The following GCFC2 variants were observed in gnomAD, a reference collection of about 807,000 sequenced individuals.
GCFC2 encodes the protein intron Large complex component GCFC2.
Under a neutral mutation model 99.4 loss-of-function variants are expected in GCFC2, and 102 were observed. That is an observed-to-expected ratio of 1.03 (90% CI 0.87 to 1.21). GCFC2 has a LOEUF of 1.21. Among genes scored for constraint, GCFC2 ranks in the 50% most tolerant of loss-of-function variants. GCFC2 has a pLI of 0.00. For synonymous variants in GCFC2, 338 were observed against 316.8 expected (o/e 1.07, Z -0.71); for missense variants, 973 against 920.9 (o/e 1.06, Z -0.73).
intron 11 of GCFC2, among the ~76,000 whole-genome samples, chr2:75,681,115 C>T (rs1679554488): frequency 6.6e-6 from 1 of 152,196 alleles, no homozygotes; most frequent in African/African-American, 2.4e-5. Flanking sequence ...TAAAAATAAT[C>T]CCCCTCAGTG....
chr2:75,665,019 G>C (rs1487108880), intron 16 of GCFC2, among the ~76,000 whole-genome samples: 1 of 152,162 alleles, frequency 6.6e-6, no homozygotes, highest in Non-Finnish European at 1.5e-5. Flanking sequence ...GTAAAAGGTA[G>C]AAAAGCATAT....
At position 75,673,515 on chromosome 2, in the gene GCFC2, T is replaced by C. The variant is rs1348691988; in HGVS notation, c.1818A>G (p.Leu606=). The C allele has an allele frequency of 8.4e-7, 1 of 1,195,108 alleles. No homozygotes were observed. Among genetic ancestry groups the C allele is most frequent in the Non-Finnish European group, 1.3e-6 (1 of 799,982 alleles). 74.0% of individuals were successfully genotyped at this position (1,195,108 alleles called of 1,614,324 possible). A position where few individuals can be genotyped will look rare whatever the true frequency, so the allele number is the denominator to read the frequency against. ...TCATTCTTGAAACAATGGATTTAAG[T>C]AAATCCTATTATTACAAATTTGAAA... The part of the protein sequence containing the change: ...ENEVSKSRQD[L]LKSIVSRMKK... Residue 606 remains leucine (L), a synonymous_variant, in exon 13 of 17, where the codon TTA becomes TTG. Coordinates refer to ENST00000321027, the MANE Select transcript of GCFC2 (RefSeq NM_003203.5).
intron 4 of GCFC2, among the ~76,000 whole-genome samples, chr2:75,696,606 T>A (rs6547018): frequency 0.071 from 10,774 of 152,248 alleles, 1,232 homozygotes; most frequent in African/African-American, 0.25. Flanking sequence ...CCCAGTTTTT[T>A]AAGAAACAAC....
chr2:75,706,257 A>C (rs556199391), intron 2 of GCFC2, among the ~76,000 whole-genome samples: 1 of 152,326 alleles, frequency 6.6e-6, no homozygotes, highest in South Asian at 2.1e-4. Context: ...TTCAAGTATC[A>C]ATGTCAATCA....
At position 75,706,429 on chromosome 2, in the gene GCFC2, C is replaced by A. The variant is rs1680865761; in HGVS notation, c.394+94G>T. 4 of 772,286 alleles carry A rather than the reference C, an allele frequency of 5.2e-6. No individual in the cohort carries two copies. The South Asian group carries it at 8.1e-5, about 16-fold the overall frequency. The allele number at this position is 772,286 out of a possible 1,614,324, so 47.8% of individuals were successfully genotyped here. A position where few individuals can be genotyped will look rare whatever the true frequency, so the allele number is the denominator to read the frequency against. On this transcript the variant is annotated intron_variant, in intron 2 of 16. Transcript: ENST00000321027. ...AATCATCATTAATGACCTACTTGCC[C>A]CATGTCACTAGAGTTTGTTATGTCA...
At chr2:75,711,874 T>C (rs1681201543), upstream of GCFC2, among the ~76,000 whole-genome samples, 1 of 152,250 alleles carries the variant, frequency 6.6e-6, no homozygotes, top group South Asian at 2.1e-4. Context: ...CATGGGCTCC[T>C]GTGCTGCCCG....
chr2:75,701,805 G>C, intron 3 of GCFC2: 3 of 907,736 alleles, frequency 3.3e-6, no homozygotes, highest in Non-Finnish European at 4.0e-6. Flanking sequence ...ATTATTGGTA[G>C]AGGAAATTTT....
Position 75,687,897 on chromosome 2 carries a change from C to T in GCFC2, c.1620G>A (p.Lys540=). 1 of 1,604,756 alleles carries T rather than the reference C, an allele frequency of 6.2e-7. No homozygotes were observed. Among genetic ancestry groups the T allele is most frequent in the Non-Finnish European group, 8.5e-7 (1 of 1,172,504 alleles). The part of the protein sequence containing the change: ...EFMDSSVEDS[K]KESSSDKKVL... Reference sequence around the variant, plus strand: ...CTTTTTTATCTGAACTACTTTCCTTCTTTGAATCTTCCACACTGCTATCCA... The same window carrying T: ...CTTTTTTATCTGAACTACTTTCCTTTTTTGAATCTTCCACACTGCTATCCA... Residue 540 remains lysine, a synonymous_variant, in exon 11 of 17, where the codon AAG becomes AAA. Coordinates refer to ENST00000321027, the MANE Select transcript of GCFC2 (RefSeq NM_003203.5).
chr2:75,703,620 G>T (rs1680707173), intron 2 of GCFC2, among the ~76,000 whole-genome samples: 1 of 152,126 alleles, frequency 6.6e-6, no homozygotes, highest in Non-Finnish European at 1.5e-5. Context: ...ACATGATGAA[G>T]GTCAGGTGTC....
At position 75,689,964 on chromosome 2, in the gene GCFC2, C is replaced by A. The variant is rs747737496; in HGVS notation, c.1339+5G>T. ...CCATGATATATTAGAAACTTGGTAA[C>A]TGACCTTGGCTTTTTTGGAAGTCAA... On this transcript the variant is annotated splice_donor_5th_base_variant and intron_variant, in intron 9 of 16. Transcript: ENST00000321027. The A allele has an allele frequency of 6.0e-6, 9 of 1,504,138 alleles. No homozygotes were observed. The highest frequency in any genetic ancestry group is 1.7e-4 in the Middle Eastern group (1 of 5,880). The allele number at this position is 1,504,138 out of a possible 1,614,324, so 93.2% of individuals were successfully genotyped here. A position where few individuals can be genotyped will look rare whatever the true frequency, so the allele number is the denominator to read the frequency against.
chr2:75,710,341 G>A lies in GCFC2; in HGVS notation c.265+250C>T, dbSNP rs533335022. ...GATGGAGTCAACTGATGGTGAAAAC[G>A]AAGAGCCTCCCAACTGTACACGATT... On this transcript the variant is annotated intron_variant, in intron 1 of 16. Transcript: ENST00000321027. The A allele has an allele frequency of 5.2e-6, 4 of 766,226 alleles. No individual in the cohort carries two copies. The East Asian group carries it at 1.4e-4, about 27-fold the overall frequency. 47.5% of individuals were successfully genotyped at this position (766,226 alleles called of 1,614,324 possible).
chr2:75,692,171 A>ACG lies in GCFC2; in HGVS notation c.1021-72_1021-71insCG, dbSNP rs1402816212. On this transcript the variant is annotated intron_variant, in intron 6 of 16. Transcript: ENST00000321027. ...AATATATATATATATATATATATAT[A>ACG]AAAGTAATATTTAGAAGATACATAA... 1.7e-3 allele frequency: 434 copies of ACG among 256,350 alleles called. 4 individuals are homozygous for ACG. The highest frequency in any genetic ancestry group is 0.011 in the African/African-American group (387 of 35,176). 15.9% of individuals were successfully genotyped at this position (256,350 alleles called of 1,614,324 possible). A position where few individuals can be genotyped will look rare whatever the true frequency, so the allele number is the denominator to read the frequency against.
chr2:75,666,064 A>G lies in GCFC2; in HGVS notation c.2104-11T>C. 6.3e-7 allele frequency: 1 copy of G among 1,597,246 alleles called. No homozygotes were observed. The highest frequency in any genetic ancestry group is 8.5e-7 in the Non-Finnish European group (1 of 1,170,944). Reference sequence around the variant, plus strand: ...TAGACATGCTGCTACCTGTTAATCAAAACACATGGCTGGTTTACAATGACA... The same window carrying G: ...TAGACATGCTGCTACCTGTTAATCAGAACACATGGCTGGTTTACAATGACA... On this transcript the variant is annotated splice_polypyrimidine_tract_variant and intron_variant, in intron 15 of 16. Transcript: ENST00000321027.
In GCFC2 at chr2:75,701,923, T is replaced by C. The variant is rs1680609622; in HGVS notation, c.619+276A>G. On this transcript the variant is annotated intron_variant, in intron 3 of 16. Coordinates refer to ENST00000321027, the MANE Select transcript of GCFC2 (RefSeq NM_003203.5). ...GGTAAAAACGATCGTTTTCAATGCT[T>C]TGAAAGTAAGATACTGCACATTTTT... The C allele has an allele frequency of 2.5e-6, 3 of 1,176,552 alleles. No individual in the cohort carries two copies. In the East Asian group the frequency reaches 1.3e-4, roughly 51 times the overall value. 72.9% of individuals were successfully genotyped at this position (1,176,552 alleles called of 1,614,324 possible). A position where few individuals can be genotyped will look rare whatever the true frequency, so the allele number is the denominator to read the frequency against.
upstream of GCFC2, among the ~76,000 whole-genome samples, chr2:75,711,579 A>C (rs1263398008): frequency 6.6e-6 from 1 of 152,142 alleles, no homozygotes; most frequent in Non-Finnish European, 1.5e-5. Flanking sequence ...CCTGTTATCA[A>C]CTCCATGTTT....
intron 11 of GCFC2, among the ~76,000 whole-genome samples, chr2:75,681,614 A>C (rs1277044721): frequency 1.3e-5 from 2 of 151,922 alleles, no homozygotes; most frequent in African/African-American, 4.9e-5. Flanking sequence ...CACCCTGGAA[A>C]AGGGGCTGAA....
intron 12 of GCFC2, among the ~76,000 whole-genome samples, chr2:75,675,564 G>C (rs1679294999): frequency 6.6e-6 from 1 of 151,904 alleles, no homozygotes; most frequent in Non-Finnish European, 1.5e-5. Flanking sequence ...CCAACATGGT[G>C]AAACCCTGTC....
rs1029231914 is a variant in GCFC2 at position 75,680,461 on chromosome 2, T to C, written c.1691-147A>G. Reference sequence around the variant, plus strand: ...CAATTATTACCATTACATATTTGCATACATCTTCAATTTCCTTGTTCTTCT... The same window carrying C: ...CAATTATTACCATTACATATTTGCACACATCTTCAATTTCCTTGTTCTTCT... On this transcript the variant is annotated intron_variant, in intron 11 of 16. Transcript: ENST00000321027. The C allele has an allele frequency of 1.2e-4, 66 of 561,820 alleles. No homozygotes were observed. The East Asian group carries it at 1.9e-3, about 16-fold the overall frequency. The allele number at this position is 561,820 out of a possible 1,614,324, so 34.8% of individuals were successfully genotyped here. A position where few individuals can be genotyped will look rare whatever the true frequency, so the allele number is the denominator to read the frequency against.
chr2:75,710,659 C>T lies in GCFC2; in HGVS notation c.197G>A (p.Gly66Asp). 3 of 1,518,638 alleles carry T rather than the reference C, an allele frequency of 2.0e-6. No individual in the cohort carries two copies. The highest frequency in any genetic ancestry group is 2.6e-6 in the Non-Finnish European group (3 of 1,139,536). 94.1% of individuals were successfully genotyped at this position (1,518,638 alleles called of 1,614,324 possible). A position where few individuals can be genotyped will look rare whatever the true frequency, so the allele number is the denominator to read the frequency against. The change falls in exon 1 of 17, where the codon GGC becomes GAC. Residue 66 changes from glycine to aspartate, a missense_variant. By Grantham distance (94) the Gly-to-Asp change is moderately conservative. Coordinates refer to ENST00000321027, the MANE Select transcript of GCFC2 (RefSeq NM_003203.5). ...GGAGCTCGCCCAGACCCGGCCCCGG[C>T]CACGAGGGCCCCGAACCCGGTGGGG... The part of the protein sequence containing the change: ...GLPHRVRGPR[G>D]RGRVWASSRR...
Sources: allele counts gnomAD v4.1 joint callset (sites outside exome capture counted in the v4.1 genomes callset), GRCh38; gene constraint gnomAD v4.1.1; transcripts MANE v1.5; gene names NCBI Gene and HGNC (gene_info 2026-07-23, HGNC 2026-07-21).